PATL1: variants seen among roughly 807,000 people sequenced by gnomAD.
PATL1 encodes the protein PAT1 homolog 1, processing body mRNA decay factor.
Under a neutral mutation model 100.6 loss-of-function variants are expected in PATL1, and 32 were observed. The observed-to-expected ratio is 0.32, with a 90% confidence interval of 0.24 to 0.43. The LOEUF (loss-of-function observed/expected upper bound fraction) is 0.43. Among genes scored for constraint, PATL1 ranks in the 20% least tolerant of loss-of-function variants. The probability of loss-of-function intolerance (pLI) is 1.00; values close to 1 mark genes in which losing one functional copy is unlikely to be tolerated. For synonymous variants in PATL1, 332 were observed against 330.0 expected (o/e 1.01, Z -0.07); for missense variants, 747 against 949.9 (o/e 0.79, Z 2.81).
Position 59,648,177 on chromosome 11 carries a change from CT to C in PATL1, c.1734-265del, listed in dbSNP as rs1397005770. Among the ~76,000 whole-genome samples the C allele has an allele frequency of 5.4e-5, 8 of 147,440 alleles. No homozygotes were observed. The South Asian group carries it at 1.3e-3, about 23-fold the overall frequency. On this transcript the variant is annotated intron_variant, in intron 14 of 18. Coordinates refer to ENST00000300146, the MANE Select transcript of PATL1 (RefSeq NM_152716.3). ...CAACTGTATGCACTAATTTCCTTAA[CT>C]TTTTTTCTTTTTTTTTTTTTTTTTT...
At position 59,647,661 on chromosome 11, in the gene PATL1, A is replaced by C; in HGVS notation, c.1893+93T>G. On this transcript the variant is annotated intron_variant, in intron 15 of 18. Coordinates refer to ENST00000300146, the MANE Select transcript of PATL1 (RefSeq NM_152716.3). ...ACAGCCAAAGATTAGACAAAAATACAAAAGGGAAGAGGAGAGGAAAATAAG... is the reference window on the plus strand; with the variant it reads ...ACAGCCAAAGATTAGACAAAAATACCAAAGGGAAGAGGAGAGGAAAATAAG... 3.0e-6 allele frequency: 4 copies of C among 1,328,034 alleles called. No homozygotes were observed. The South Asian group carries it at 5.3e-5, about 17-fold the overall frequency. 82.3% of individuals were successfully genotyped at this position (1,328,034 alleles called of 1,614,324 possible). A position where few individuals can be genotyped will look rare whatever the true frequency, so the allele number is the denominator to read the frequency against.
At chr11:59,653,104 T>G in intron 9 of PATL1, 86 bp from the exon 10 acceptor site, 3 of 1,270,402 alleles carry the variant, frequency 2.4e-6, no homozygotes, top group Non-Finnish European at 3.2e-6. Context: ...CCAGTTTTTT[T>G]TTTTTTTTTT....
At chr11:59,654,328 T>A (rs1861490979) in intron 8 of PATL1, among the ~76,000 whole-genome samples, 1 of 151,732 alleles carries the variant, frequency 6.6e-6, no homozygotes, top group Admixed American at 6.6e-5. Context: ...AATACAAAAA[T>A]TAGCTGGGCA....
chr11:59,668,847 G>C, intron 1 of PATL1, 34 bp downstream of exon 1: 2 of 1,247,312 alleles, frequency 1.6e-6, no homozygotes, highest in African/African-American at 1.6e-5. Context: ...GCGCGGGAGG[G>C]AGGGAGGGGT....
rs1861221648 is a variant in PATL1 at position 59,638,243 on chromosome 11, G to T, written c.*147C>A. The T allele has an allele frequency of 2.6e-6, 2 of 770,792 alleles. No homozygotes were observed. The highest frequency in any genetic ancestry group is 4.3e-6 in the Non-Finnish European group (2 of 461,946). 47.7% of individuals were successfully genotyped at this position (770,792 alleles called of 1,614,324 possible). The stretch of plus-strand genomic sequence containing the variant: ...TGGGGAAATATCTGACATTTAGAGA[G>T]ACAACCCCTGTAAACAGGAATCGAT... On this transcript the variant is annotated 3_prime_UTR_variant, in exon 19 of 19. Transcript: ENST00000300146.
chr11:59,666,042 C>T (rs940724856), intron 2 of PATL1, among the ~76,000 whole-genome samples: 15 of 152,094 alleles, frequency 9.9e-5, no homozygotes, highest in Non-Finnish European at 2.1e-4. Flanking sequence ...AATCCCAGCA[C>T]TTTGGGAGGC....
chr11:59,650,791 C>A lies in PATL1; in HGVS notation c.1547G>T (p.Arg516Leu), dbSNP rs763444872. The A allele has an allele frequency of 2.6e-6, 4 of 1,556,816 alleles. No homozygotes were observed. In the African/African-American group the frequency reaches 5.4e-5, roughly 21 times the overall value. Reference protein sequence around the residue: ...EDDETKEKQVRDKRRKTLVII... With the variant: ...EDDETKEKQVLDKRRKTLVII... Reference sequence around the variant, plus strand: ...AACAAGGGTTTTTCTCCTCTTGTCTCGAACTTGTTTTTCTTTTGTCTCCTA... The same window carrying A: ...AACAAGGGTTTTTCTCCTCTTGTCTAGAACTTGTTTTTCTTTTGTCTCCTA... Residue 516 changes from arginine (R) to leucine (L), a missense_variant, in exon 13 of 19, where the codon CGA (arginine) becomes CTA (leucine). Physicochemically the swap from Arg to Leu is moderately radical, Grantham distance 102. Transcript: ENST00000300146.
rs1861411023 is a variant in PATL1, at chr11:59,649,492, T to C, written c.1703A>G (p.Asn568Ser). The C allele has an allele frequency of 5.6e-6, 9 of 1,613,796 alleles. No homozygotes were observed. Among genetic ancestry groups the C allele is most frequent in the Non-Finnish European group, 6.8e-6 (8 of 1,179,866 alleles). ...TTGTCCAGGCAATTTCCCCCTTAAG[T>C]TGTCATACATGCTACAAATTTTGTG... The part of the protein sequence containing the change: ...RKHKICSMYD[N>S]LRGKLPGQER... The change falls in exon 14 of 19, where the codon AAC becomes AGC. Residue 568 changes from asparagine to serine, a missense_variant. By Grantham distance (46) the Asn-to-Ser change is conservative. Around this residue, in one of 4 missense-constraint regions of PATL1, gnomAD observed 434 missense variants for 596.1 expected, o/e 0.73. Coordinates refer to ENST00000300146, the MANE Select transcript of PATL1 (RefSeq NM_152716.3).
At chr11:59,649,311 A>C in intron 14 of PATL1, 151 bp downstream of exon 14, 1 of 745,208 alleles carries the variant, frequency 1.3e-6, no homozygotes, top group Non-Finnish European at 2.1e-6. Flanking sequence ...CGTATTTTAA[A>C]TGAAGTGGCA....
intron 4 of PATL1, among the ~76,000 whole-genome samples, chr11:59,658,495 G>A (rs997785275): frequency 6.6e-6 from 1 of 151,958 alleles, no homozygotes; most frequent in Non-Finnish European, 1.5e-5. Flanking sequence ...GTTAATTTTT[G>A]TATTTTTAGT....
intron 17 of PATL1, 24 bp from the exon 18 acceptor site, chr11:59,639,221 T>C (rs1861237191): frequency 6.2e-7 from 1 of 1,609,130 alleles, no homozygotes; most frequent in Non-Finnish European, 8.5e-7. Flanking sequence ...CCCATAATAA[T>C]ATCAGGAGAA....
chr11:59,668,608 T>G (rs1590707204), intron 1 of PATL1, among the ~76,000 whole-genome samples: 1 of 151,804 alleles, frequency 6.6e-6, no homozygotes, highest in South Asian at 2.1e-4. Flanking sequence ...GGCGGGGGTG[T>G]GGTCTGGTTA....
intron 12 of PATL1, 65 bp from the exon 13 acceptor site, chr11:59,650,878 C>T: frequency 1.8e-6 from 2 of 1,102,778 alleles, no homozygotes; most frequent in Non-Finnish European, 1.3e-6. Context: ...ACCAAGTGCG[C>T]ATTTGTAGGT....
intron 16 of PATL1, among the ~76,000 whole-genome samples, chr11:59,640,441 C>T (rs972402635): frequency 4.6e-5 from 7 of 151,704 alleles, no homozygotes; most frequent in South Asian, 2.1e-4. Context: ...AAATATGGGA[C>T]GGGCGTGGTG....
chr11:59,640,427 AT>A (rs1861259709), intron 16 of PATL1, among the ~76,000 whole-genome samples: 1 of 148,970 alleles, frequency 6.7e-6, no homozygotes, highest in South Asian at 2.1e-4. Context: ...GGGGCATAGG[AT>A]TAAAATATGG....
chr11:59,662,964 G>A (rs937358552), intron 2 of PATL1, among the ~76,000 whole-genome samples: 6 of 152,106 alleles, frequency 3.9e-5, no homozygotes, highest in Non-Finnish European at 7.4e-5. Flanking sequence ...AGGAATCTAT[G>A]CCATAAAATA....
intron 11 of PATL1, among the ~76,000 whole-genome samples, chr11:59,652,081 A>G (rs1861455008): frequency 7.4e-6 from 1 of 135,522 alleles, no homozygotes; most frequent in African/African-American, 2.7e-5. Context: ...AAAAAAAAAA[A>G]AAAAAAAAAA....
chr11:59,656,466 C>A (rs755871538), intron 6 of PATL1, 33 bp downstream of exon 6: 1 of 1,539,340 alleles, frequency 6.5e-7, no homozygotes, highest in South Asian at 1.1e-5. Context: ...AAAATACATA[C>A]TGCACATTTT....
chr11:59,658,249 C>T (rs1031396158), intron 4 of PATL1, among the ~76,000 whole-genome samples: 3 of 151,850 alleles, frequency 2.0e-5, no homozygotes, highest in Non-Finnish European at 2.9e-5. Context: ...TTGTAGTTAA[C>T]GCCTCCTGCC....
Sources: gnomAD v4.1 joint callset for allele counts (sites outside exome capture counted in the v4.1 genomes callset) on GRCh38, gnomAD v4.1.1 for gene constraint, gnomAD v4.1.1 regional missense constraint, MANE v1.5 for transcripts, NCBI Gene and HGNC (gene_info 2026-07-23, HGNC 2026-07-21) for gene names.